Variants in ATG16L2 observed in about 807,000 individuals in gnomAD.
The protein encoded by ATG16L2 is protein Atg16l2.
Under a neutral mutation model 84.7 loss-of-function variants are expected in ATG16L2, and 77 were observed. The ratio of observed to expected loss-of-function variants is 0.91; its 90% CI spans 0.76 to 1.10. The LOEUF (loss-of-function observed/expected upper bound fraction) is 1.10. ATG16L2 is among the 50% of genes least tolerant of loss of function. The pLI is 0.00. For missense variants in ATG16L2, 782 were observed against 817.6 expected, an observed-to-expected ratio of 0.96 and a Z score of 0.53; for synonymous variants, 361 against 342.8, an observed-to-expected ratio of 1.05 and a Z score of -0.59.
chr11:72,842,545 T>G, intron 5 of ATG16L2: 1 of 1,575,286 alleles, frequency 6.3e-7, no homozygotes, highest in South Asian at 1.2e-5. Context: ...AGCCCACTTT[T>G]GTGTGGATCC....
chr11:72,827,015 T>A, intron 13 of ATG16L2, 173 bp from the exon 14 acceptor site: 1 of 867,332 alleles, frequency 1.2e-6, no homozygotes. Context: ...CTTGGTGACC[T>A]CAGGCTGTGG....
At position 72,822,579 on chromosome 11, in the gene ATG16L2, TCTGCCTC is replaced by T. The variant is rs139902397; in HGVS notation, c.710+38_710+44del. On this transcript the variant is annotated intron_variant, in intron 6 of 17. Transcript: ENST00000321297. The surrounding 1 kb of genome is among the most constrained non-coding windows in gnomAD (Gnocchi z 4.2). ...GGATGGGCCGGTCCGACCCTTGCGT[TCTGCCTC>T]CCGCCCCGCCTGCCTGCGGCGACCC... 0.085 allele frequency: 135,421 copies of T among 1,601,292 alleles called. 6,409 individuals are homozygous for T. The highest frequency in any genetic ancestry group is 0.18 in the Middle Eastern group (1,053 of 5,982).
At chr11:72,828,802 T>G (rs1220821290) in intron 16 of ATG16L2, 26 bp downstream of exon 16, 1 of 1,614,180 alleles carries the variant, frequency 6.2e-7, no homozygotes, top group East Asian at 2.2e-5. Context: ...CATATGCCTG[T>G]GTCCAAGTGT....
chr11:72,828,370 G>C lies in ATG16L2; in HGVS notation c.1484G>C (p.Cys495Ser). ...TCCTTGTTCCTCAGGGGGCCCCACT[G>C]CACCCAGGTCATCCCTGTGCAGGGC... ...IRFWDSRGPH[C>S]TQVIPVQGRV... is the part of the protein sequence containing the mutation. The change falls in exon 15 of 18, where the codon TGC becomes TCC. Residue 495 changes from cysteine (C) to serine (S), a missense_variant. Cys to Ser is a moderately radical substitution (Grantham distance 112). Coordinates refer to ENST00000321297, the MANE Select transcript of ATG16L2 (RefSeq NM_033388.2). 1 of 1,614,056 alleles carries C rather than the reference G, an allele frequency of 6.2e-7. No individual in the cohort carries two copies. Among genetic ancestry groups the C allele is most frequent in the Non-Finnish European group, 8.5e-7 (1 of 1,179,972 alleles).
At chr11:72,843,059 T>C in exon 6 of ATG16L2, 1 of 1,250,604 alleles carries the variant, frequency 8.0e-7, no homozygotes, top group Non-Finnish European at 1.1e-6. Flanking sequence ...AGGAGGAAAG[T>C]TGTGCTTTTT....
Position 72,829,567 on chromosome 11 carries a change from G to C in ATG16L2, c.*177G>C. On this transcript the variant is annotated 3_prime_UTR_variant, in exon 18 of 18. Coordinates refer to ENST00000321297, the MANE Select transcript of ATG16L2 (RefSeq NM_033388.2). ...AAGTATGGGTTGGGGGATTACGCTA[G>C]TTTTTCTTTGTATTTTTATCTCTAT... 1 of 1,360,696 alleles carries C rather than the reference G, an allele frequency of 7.3e-7. No homozygotes were observed. The highest frequency in any genetic ancestry group is 9.4e-7 in the Non-Finnish European group (1 of 1,058,992). 84.3% of individuals were successfully genotyped at this position (1,360,696 alleles called of 1,614,324 possible).
intron 11 of ATG16L2, 51 bp downstream of exon 11, chr11:72,826,294 C>T: frequency 6.3e-7 from 1 of 1,587,650 alleles, no homozygotes; most frequent in Non-Finnish European, 8.6e-7. Flanking sequence ...CTGATCTCCA[C>T]ACTGGGCAGG....
chr11:72,817,615 C>T (rs1859766894), intron 2 of ATG16L2, 141 bp from the exon 3 acceptor site: 3 of 771,908 alleles, frequency 3.9e-6, no homozygotes, highest in Non-Finnish European at 4.4e-6. Context: ...TTGCCTTTTC[C>T]TTTACTGGCT....
Position 72,836,415 on chromosome 11 carries a change from A to G in ATG16L2, c.*22-6202A>G, listed in dbSNP as rs1053899563. On this transcript the variant is annotated intron_variant, in intron 5 of 5. Coordinates refer to the ATG16L2 transcript ENST00000534905. The stretch of plus-strand genomic sequence containing the variant: ...CTTCCTCTCACCCCTCCAGCAGCAG[A>G]ATCAGAGCTCCCTCCTCAGCTGCCT... Among the ~76,000 whole-genome samples, 4 of 152,312 alleles carry G rather than the reference A, an allele frequency of 2.6e-5. No individual in the cohort carries two copies. In the South Asian group the frequency reaches 6.2e-4, roughly 24 times the overall value.
chr11:72,820,778 C>G (rs1859945814), intron 3 of ATG16L2, among the ~76,000 whole-genome samples: 1 of 152,066 alleles, frequency 6.6e-6, no homozygotes, highest in Non-Finnish European at 1.5e-5. Context: ...CTCATGTTCT[C>G]TTGTCACACT....
intron 5 of ATG16L2, among the ~76,000 whole-genome samples, chr11:72,835,591 TC>T (rs1323478037): frequency 6.6e-6 from 1 of 152,160 alleles, no homozygotes; most frequent in Admixed American, 6.5e-5. Flanking sequence ...AACCCAGACC[TC>T]CTGGCTCCTA....
chr11:72,826,292 C>T, intron 11 of ATG16L2, 49 bp downstream of exon 11: 1 of 1,590,856 alleles, frequency 6.3e-7, no homozygotes, highest in East Asian at 2.2e-5. Flanking sequence ...CTCTGATCTC[C>T]ACACTGGGCA....
intron 5 of ATG16L2, chr11:72,840,788 C>T: frequency 1.0e-6 from 1 of 964,178 alleles, no homozygotes; most frequent in Middle Eastern, 2.1e-4. Context: ...TAGTCAGTAA[C>T]AACACAGGGG....
At position 72,822,712 on chromosome 11, in the gene ATG16L2, A is replaced by AGCGG; in HGVS notation, c.711-136_711-135insGCGG. Reference sequence around the variant, plus strand: ...GGACCGTGTGGTCGTAGGAGCCTGCATGCGTGACCGCTGCACGTGTACACC... The same window carrying AGCGG: ...GGACCGTGTGGTCGTAGGAGCCTGCAGCGGTGCGTGACCGCTGCACGTGTACACC... On this transcript the variant is annotated intron_variant, in intron 6 of 17. Coordinates refer to ENST00000321297, the MANE Select transcript of ATG16L2 (RefSeq NM_033388.2). This position sits in a 1 kb window ranked among gnomAD's most constrained non-coding sequence, Gnocchi z 4.2. 9.6e-7 allele frequency: 1 copy of AGCGG among 1,043,022 alleles called. No individual in the cohort carries two copies. The highest frequency in any genetic ancestry group is 1.4e-6 in the Non-Finnish European group (1 of 716,584). 64.6% of individuals were successfully genotyped at this position (1,043,022 alleles called of 1,614,324 possible).
In ATG16L2 at chr11:72,825,239, C is replaced by T. The variant is rs999003561; in HGVS notation, c.997-63C>T. ...CTGCACAGGCACCGGTAAGAGGGCC[C>T]GTGAGCACTCACAGAGACATGCGCG... On this transcript the variant is annotated intron_variant, in intron 9 of 17. Coordinates refer to ENST00000321297, the MANE Select transcript of ATG16L2 (RefSeq NM_033388.2). 43 of 1,312,492 alleles carry T rather than the reference C, an allele frequency of 3.3e-5. No individual in the cohort carries two copies. The African/African-American group carries it at 3.6e-4, about 11-fold the overall frequency. The allele number at this position is 1,312,492 out of a possible 1,614,324, so 81.3% of individuals were successfully genotyped here.
In ATG16L2 at chr11:72,826,238, C is replaced by G. The variant is rs931895562; in HGVS notation, c.1168C>G (p.Pro390Ala). The change falls in exon 11 of 18, where the codon CCC (proline) becomes GCC (alanine). Residue 390 changes from proline to alanine, a missense_variant. Physicochemically the swap from Pro to Ala is conservative, Grantham distance 27. Transcript: ENST00000321297. ...GGSITSVDFD[P>A]SGYQVLAATY... The stretch of plus-strand genomic sequence containing the variant: ...CAGCATCACCAGTGTGGACTTTGAC[C>G]CCTCGGTGAGGAACTCTGCCCCAGT... 3.1e-6 allele frequency: 5 copies of G among 1,613,726 alleles called. No homozygotes were observed. Among genetic ancestry groups the G allele is most frequent in the Non-Finnish European group, 2.5e-6 (3 of 1,179,866 alleles).
chr11:72,822,354 G>A lies in ATG16L2; in HGVS notation c.644+59G>A, dbSNP rs746248276. 4 of 1,549,914 alleles carry A rather than the reference G, an allele frequency of 2.6e-6. No homozygotes were observed. In the Admixed American group the frequency reaches 8.0e-5, roughly 31 times the overall value. Reference sequence around the variant, plus strand: ...GGCCCCGCCCCTGCAGGGAGGAGTCGGGCCTCGCCGGTGTCTGGAAGGGAG... The same window carrying A: ...GGCCCCGCCCCTGCAGGGAGGAGTCAGGCCTCGCCGGTGTCTGGAAGGGAG... On this transcript the variant is annotated intron_variant, in intron 5 of 17. Transcript: ENST00000321297. This position sits in a 1 kb window ranked among gnomAD's most constrained non-coding sequence, Gnocchi z 4.2.
chr11:72,816,267 A>ACCGCGCCCGG (rs1255614423), intron 1 of ATG16L2: 1 of 154,058 alleles, frequency 6.5e-6, no homozygotes, highest in African/African-American at 2.4e-5. Context: ...GGTGTGAGCC[A>ACCGCGCCCGG]CCGCGCCCGG....
chr11:72,832,109 G>A (rs1379138328), downstream of ATG16L2, among the ~76,000 whole-genome samples: 4 of 152,200 alleles, frequency 2.6e-5, no homozygotes, highest in African/African-American at 9.7e-5. Flanking sequence ...ACACAGGAGT[G>A]AGGGAACTTG....
Sources: allele counts gnomAD v4.1 joint callset (sites outside exome capture counted in the v4.1 genomes callset), GRCh38; gene constraint gnomAD v4.1.1; non-coding constraint Gnocchi (gnomAD v3.1); transcripts MANE v1.5; gene names NCBI Gene and HGNC (gene_info 2026-07-23, HGNC 2026-07-21).